COL15A1: variants seen among roughly 807,000 people sequenced by gnomAD.
COL15A1 encodes collagen alpha-1(XV) chain.
In COL15A1, 111 loss-of-function variants were observed where a neutral mutation model predicts 165.9. That is an observed-to-expected ratio of 0.67 (90% CI 0.57 to 0.78). The LOEUF is 0.78. Among genes scored for constraint, COL15A1 ranks in the 30% least tolerant of loss-of-function variants. The probability of loss-of-function intolerance (pLI) is 0.00; values close to 1 mark genes in which losing one functional copy is unlikely to be tolerated. For missense variants in COL15A1, 1,745 were observed against 1,789.7 expected (o/e 0.98, Z 0.45); for synonymous variants, 659 against 674.8 (o/e 0.98, Z 0.36).
At chr9:98,980,434 A>G (rs1838218607) in intron 2 of COL15A1, among the ~76,000 whole-genome samples, 1 of 152,232 alleles carries the variant, frequency 6.6e-6, no homozygotes, top group African/African-American at 2.4e-5. Flanking sequence ...GGAGTCATTC[A>G]GTGAAAATAA....
chr9:98,968,156 G>T (rs943699005), intron 2 of COL15A1, among the ~76,000 whole-genome samples: 1 of 152,148 alleles, frequency 6.6e-6, no homozygotes, highest in African/African-American at 2.4e-5. Context: ...TAAAAACAAA[G>T]GTAATAAGAA....
At chr9:99,008,762 A>C (rs1017074021) in intron 9 of COL15A1, among the ~76,000 whole-genome samples, 26 of 152,040 alleles carry the variant, frequency 1.7e-4, no homozygotes, top group African/African-American at 6.0e-4. Flanking sequence ...GGCATGTGCC[A>C]CCACCCCTGG....
In COL15A1 at chr9:99,063,018, A is replaced by G. The variant is rs1825840401; in HGVS notation, c.3592-32A>G. On this transcript the variant is annotated intron_variant, in intron 38 of 41. Transcript: ENST00000375001. ...TGAAGAACAGATTGAATGCATATTC[A>G]GAACTGTTTCTTTTCCTCCTTTTCA... is the stretch of plus-strand genomic sequence containing the variant. 3.2e-6 allele frequency: 5 copies of G among 1,586,950 alleles called. No individual in the cohort carries two copies. The East Asian group carries it at 1.2e-4, about 37-fold the overall frequency.
chr9:98,964,126 A>G (rs1474545830), intron 2 of COL15A1, among the ~76,000 whole-genome samples: 1 of 152,240 alleles, frequency 6.6e-6, no homozygotes, highest in Non-Finnish European at 1.5e-5. Flanking sequence ...TTTCTCTGGC[A>G]TCAAATTCCA....
intron 7 of COL15A1, 68 bp downstream of exon 7, chr9:99,001,019 A>G (rs981517746): frequency 3.2e-5 from 25 of 790,322 alleles, no homozygotes; most frequent in Middle Eastern, 4.4e-4. Flanking sequence ...AAACTTGGTG[A>G]TGATTTTACT....
chr9:99,067,117 A>G (rs759164871), intron 40 of COL15A1, 50 bp downstream of exon 40: 2 of 1,482,764 alleles, frequency 1.3e-6, no homozygotes, highest in Admixed American at 1.9e-5. Flanking sequence ...TGGTCGCTAC[A>G]GGGCCTGGAG....
At chr9:99,049,668 T>G in intron 28 of COL15A1, 22 bp from the exon 29 acceptor site, 17 of 1,612,260 alleles carry the variant, frequency 1.1e-5, no homozygotes, top group Non-Finnish European at 1.4e-5. Flanking sequence ...ACTAATGGAA[T>G]GGCCTTTTTT....
At chr9:99,009,507 G>C (rs937166468) in intron 9 of COL15A1, among the ~76,000 whole-genome samples, 2 of 152,098 alleles carry the variant, frequency 1.3e-5, no homozygotes, top group African/African-American at 4.8e-5. Flanking sequence ...GGGAATAATA[G>C]CTCAGAAGAA....
chr9:99,063,240 G>A (rs1325962417), intron 39 of COL15A1, 131 bp downstream of exon 39: 3 of 1,137,990 alleles, frequency 2.6e-6, no homozygotes, highest in Admixed American at 8.0e-5. Context: ...ACAAAAAACA[G>A]AGAATTACAA....
At chr9:98,955,482 C>A (rs1837761301) in intron 2 of COL15A1, among the ~76,000 whole-genome samples, 1 of 152,170 alleles carries the variant, frequency 6.6e-6, no homozygotes, top group Admixed American at 6.5e-5. Context: ...ATGAATCATT[C>A]AAAGCCTGGG....
intron 5 of COL15A1, 123 bp from the exon 6 acceptor site, chr9:98,996,811 A>C: frequency 6.9e-7 from 1 of 1,445,554 alleles, no homozygotes; most frequent in Non-Finnish European, 9.4e-7. Flanking sequence ...AGTGGGGCCA[A>C]GCTTTCCCCT....
At chr9:98,945,971 G>T (rs1837577600) in intron 2 of COL15A1, among the ~76,000 whole-genome samples, 1 of 152,174 alleles carries the variant, frequency 6.6e-6, no homozygotes, top group South Asian at 2.1e-4. Context: ...ATGTAAAAAG[G>T]GAGGGCCAGC....
At chr9:98,975,964 C>T (rs1010469573) in intron 2 of COL15A1, among the ~76,000 whole-genome samples, 1 of 152,064 alleles carries the variant, frequency 6.6e-6, no homozygotes, top group Non-Finnish European at 1.5e-5. Context: ...GGCAAAGACA[C>T]GGGGGGAGAA....
At chr9:99,036,143 A>C in intron 19 of COL15A1, 27 bp from the exon 20 acceptor site, 1 of 1,590,078 alleles carries the variant, frequency 6.3e-7, no homozygotes. Context: ...TGACTAGAAG[A>C]ATATTTATTT....
chr9:99,024,406 TC>T (rs1839086697), intron 14 of COL15A1, among the ~76,000 whole-genome samples: 1 of 150,952 alleles, frequency 6.6e-6, no homozygotes. Flanking sequence ...GGCCTCAGCC[TC>T]CCGAGTAGCT....
At chr9:99,047,485 G>C (rs1229047424) in intron 26 of COL15A1, among the ~76,000 whole-genome samples, 2 of 152,226 alleles carry the variant, frequency 1.3e-5, no homozygotes, top group East Asian at 3.9e-4. Flanking sequence ...GAGGCCCTGA[G>C]CTACTGACCT....
At chr9:98,987,471 C>T (rs978485996) in intron 4 of COL15A1, 103 bp downstream of exon 4, 41 of 1,112,652 alleles carry the variant, frequency 3.7e-5, no homozygotes, top group Non-Finnish European at 5.0e-5. Context: ...TGAAACCTCT[C>T]ATTTTGGCAA....
intron 2 of COL15A1, among the ~76,000 whole-genome samples, chr9:98,963,277 G>GT (rs1564013323): frequency 8.9e-6 from 1 of 112,672 alleles, no homozygotes; most frequent in African/African-American, 3.6e-5. Context: ...ATGCCTGCAA[G>GT]TCCCCCCAAA....
intron 11 of COL15A1, among the ~76,000 whole-genome samples, chr9:99,019,373 G>A (rs1348457267): frequency 6.6e-6 from 1 of 151,878 alleles, no homozygotes; most frequent in East Asian, 1.9e-4. Context: ...TAATTTTTTT[G>A]TTTGCTTATT....
Sources: allele counts gnomAD v4.1 joint callset (sites outside exome capture counted in the v4.1 genomes callset), GRCh38; gene constraint gnomAD v4.1.1; transcripts MANE v1.5; gene names NCBI Gene and HGNC (gene_info 2026-07-23, HGNC 2026-07-21).